The following TENM1 variants were observed in gnomAD, a reference collection of about 807,000 sequenced individuals.
TENM1 encodes teneurin-1.
A neutral mutation model predicts 174.8 loss-of-function variants in TENM1; 35 were observed. The ratio of observed to expected loss-of-function variants is 0.20; its 90% CI spans 0.15 to 0.27. The LOEUF (loss-of-function observed/expected upper bound fraction) is 0.27, where lower values mean the gene tolerates loss of function less well. TENM1 is among the 10% of genes least tolerant of loss of function. The probability of loss-of-function intolerance (pLI) is 1.00; values close to 1 mark genes in which losing one functional copy is unlikely to be tolerated. For missense variants in TENM1, 1,633 were observed against 2,130.1 expected (o/e 0.77, Z 4.59); for synonymous variants, 781 against 798.7 (o/e 0.98, Z 0.37).
chrX:124,772,594 T>TATG (rs2054682975), intron 3 of TENM1, among the ~76,000 whole-genome samples: 2 of 112,005 alleles, frequency 1.8e-5, no homozygotes, highest in African/African-American at 6.5e-5. Flanking sequence ...TTTTTAAAAA[T>TATG]ATGGTCTTTA....
intron 20 of TENM1, among the ~76,000 whole-genome samples, chrX:124,494,618 C>T (rs1227667967): frequency 1.8e-5 from 2 of 108,956 alleles, no homozygotes; most frequent in African/African-American, 3.3e-5. Context: ...CCCACTAACT[C>T]GTCATCTAGC....
the TENM1 span, among the ~76,000 whole-genome samples, chrX:125,062,256 C>CCATAAT: frequency 0.018 from 2,017 of 111,723 alleles, 35 homozygotes; most frequent in African/African-American, 0.06. Flanking sequence ...ACTGCCATCT[C>CCATAAT]CATAATCATC....
At chrX:124,866,802 T>C (rs966776049) in intron 3 of TENM1, among the ~76,000 whole-genome samples, 1 of 109,810 alleles carries the variant, frequency 9.1e-6, no homozygotes, top group Non-Finnish European at 1.9e-5. Flanking sequence ...AAATCAGAAA[T>C]GAAAAAGGAC....
At chrX:124,971,214 A>G in the TENM1 span, among the ~76,000 whole-genome samples, 3 of 109,568 alleles carry the variant, frequency 2.7e-5, no homozygotes, top group Non-Finnish European at 3.8e-5. Flanking sequence ...GCAGCACACC[A>G]ACATGGCACA....
At chrX:124,960,566 A>T (rs762420218) in intron 1 of TENM1, among the ~76,000 whole-genome samples, 3 of 112,019 alleles carry the variant, frequency 2.7e-5, no homozygotes, top group Non-Finnish European at 5.6e-5. Flanking sequence ...TTAGAATGAC[A>T]TCATAGAGAC....
chrX:124,924,041 A>T (rs1026453332), intron 1 of TENM1, among the ~76,000 whole-genome samples: 4 of 112,462 alleles, frequency 3.6e-5, no homozygotes, highest in African/African-American at 1.3e-4. Flanking sequence ...AATGTAAATA[A>T]CAGTTTGTTT....
the TENM1 span, among the ~76,000 whole-genome samples, chrX:125,124,304 G>C: frequency 8.9e-6 from 1 of 111,868 alleles, no homozygotes; most frequent in Non-Finnish European, 1.9e-5. Flanking sequence ...TTATTTATCA[G>C]TTGTCACAAG....
At chrX:124,644,811 A>G (rs980805376) in intron 10 of TENM1, among the ~76,000 whole-genome samples, 7 of 112,023 alleles carry the variant, frequency 6.2e-5, no homozygotes, top group African/African-American at 2.3e-4. Flanking sequence ...AGCATAATGC[A>G]TTCTGTAATA....
intron 6 of TENM1, among the ~76,000 whole-genome samples, chrX:124,665,329 A>G (rs1464130604): frequency 8.9e-6 from 1 of 111,872 alleles, no homozygotes; most frequent in East Asian, 2.8e-4. Flanking sequence ...AACAAGAGCA[A>G]AACTCCGTCT....
At chrX:124,646,219 C>T (rs1416812450) in intron 9 of TENM1, among the ~76,000 whole-genome samples, 3 of 112,389 alleles carry the variant, frequency 2.7e-5, no homozygotes, top group Non-Finnish European at 5.6e-5. Flanking sequence ...TTCTGACTTT[C>T]CAGTCGTTAC....
chrX:124,593,844 C>T (rs967367690), intron 11 of TENM1, among the ~76,000 whole-genome samples: 1 of 111,916 alleles, frequency 8.9e-6, no homozygotes, highest in Non-Finnish European at 1.9e-5. Flanking sequence ...GGGGAGAGCA[C>T]AATTCCAGTG....
the TENM1 span, among the ~76,000 whole-genome samples, chrX:125,177,009 A>G: frequency 9.0e-6 from 1 of 110,765 alleles, no homozygotes; most frequent in African/African-American, 3.3e-5. Flanking sequence ...AAAATATTAA[A>G]GCATTAATCA....
intron 11 of TENM1, among the ~76,000 whole-genome samples, chrX:124,588,489 C>G (rs1373744107): frequency 9.7e-6 from 1 of 102,954 alleles, no homozygotes; most frequent in East Asian, 3.1e-4. Context: ...GGGAATTGAA[C>G]AATGAGAACA....
chrX:124,936,672 G>A (rs1194282689), intron 1 of TENM1, among the ~76,000 whole-genome samples: 1 of 111,970 alleles, frequency 8.9e-6, no homozygotes, highest in Non-Finnish European at 1.9e-5. Context: ...GTACTGTTTT[G>A]GTGCAAAATC....
At chrX:125,041,808 C>T in the TENM1 span, among the ~76,000 whole-genome samples, 2 of 111,312 alleles carry the variant, frequency 1.8e-5, no homozygotes, top group African/African-American at 3.3e-5. Flanking sequence ...TCAAATGGTA[C>T]CACTTAATAG....
the TENM1 span, among the ~76,000 whole-genome samples, chrX:125,016,533 A>G: frequency 1.5e-4 from 17 of 111,381 alleles, no homozygotes; most frequent in Admixed American, 1.6e-3. Flanking sequence ...TTCAAGGAGA[A>G]CTACAAACCA....
chrX:125,090,002 T>A, the TENM1 span, among the ~76,000 whole-genome samples: 1 of 111,640 alleles, frequency 9.0e-6, no homozygotes. Flanking sequence ...TCCCTGCCCC[T>A]CCTACTCCCC....
At chrX:124,754,640 C>T (rs1235236336) in intron 3 of TENM1, among the ~76,000 whole-genome samples, 3 of 109,927 alleles carry the variant, frequency 2.7e-5, no homozygotes, top group Admixed American at 9.7e-5. Context: ...TATAAATTTC[C>T]GTCTACACAC....
intron 1 of TENM1, among the ~76,000 whole-genome samples, chrX:124,908,260 C>T (rs892312257): frequency 3.6e-5 from 4 of 111,208 alleles, no homozygotes; most frequent in Non-Finnish European, 1.9e-5. Context: ...ACCTATCAAC[C>T]CGTCACCTAG....
Sources: allele counts gnomAD v4.1 joint callset (sites outside exome capture counted in the v4.1 genomes callset), GRCh38; gene constraint gnomAD v4.1.1; transcripts MANE v1.5; gene names NCBI Gene and HGNC (gene_info 2026-07-23, HGNC 2026-07-21).